The following ABCA13 variants were observed in gnomAD, a reference collection of about 807,000 sequenced individuals.
The protein encoded by ABCA13 is ATP-binding cassette sub-family A member 13.
Under a neutral mutation model 478.7 loss-of-function variants are expected in ABCA13, and 476 were observed. That is an observed-to-expected ratio of 0.99 (90% CI 0.92 to 1.07). ABCA13 has a LOEUF of 1.07. Among genes scored for constraint, ABCA13 ranks in the 50% least tolerant of loss-of-function variants. The pLI, the probability that ABCA13 is intolerant of heterozygous loss-of-function variation, is 0.00. For synonymous variants in ABCA13, 2,252 were observed against 2,158.9 expected, an observed-to-expected ratio of 1.04 and a Z score of -1.20; for missense variants, 6,060 against 5,910.6, an observed-to-expected ratio of 1.03 and a Z score of -0.83.
At chr7:48,581,625 T>G (rs186912116) in intron 56 of ABCA13, among the ~76,000 whole-genome samples, 3 of 152,376 alleles carry the variant, frequency 2.0e-5, no homozygotes, top group African/African-American at 7.2e-5. Context: ...AAGCTCTCGT[T>G]AATGTAGGTC....
chr7:48,497,890 T>C (rs1830416049), intron 48 of ABCA13, among the ~76,000 whole-genome samples: 1 of 152,202 alleles, frequency 6.6e-6, no homozygotes. Flanking sequence ...TTGGCATCCC[T>C]CTGTGCCCTG....
intron 59 of ABCA13, among the ~76,000 whole-genome samples, chr7:48,616,682 G>A (rs1792606708): frequency 6.6e-6 from 1 of 152,020 alleles, no homozygotes; most frequent in African/African-American, 2.4e-5. Flanking sequence ...AACAAGAAAT[G>A]GCTTGTGGGT....
At position 48,385,157 on chromosome 7, in the gene ABCA13, T is replaced by C. The variant is rs142488232; in HGVS notation, c.11336-2665T>C. Among the ~76,000 whole-genome samples the C allele has an allele frequency of 2.5e-3, 386 of 152,338 alleles. 1 individual carries two copies. Among genetic ancestry groups the C allele is most frequent in the African/African-American group, 8.9e-3 (368 of 41,576 alleles). ...TATGTATTTATTTTTTTGTAACTTT[T>C]AAGTGCAGGGGTACATGTGCAGGTT... On this transcript the variant is annotated intron_variant, in intron 35 of 61. Transcript: ENST00000435803.
At chr7:48,591,261 A>G (rs1213169085) in intron 57 of ABCA13, among the ~76,000 whole-genome samples, 1 of 151,944 alleles carries the variant, frequency 6.6e-6, no homozygotes, top group Non-Finnish European at 1.5e-5. Flanking sequence ...ATTTCAGTGT[A>G]TTTGTCAAAG....
rs1478219801 is a variant in ABCA13 at position 48,582,093 on chromosome 7, GAC to G, written c.14505+1723_14505+1724del. Among the ~76,000 whole-genome samples the G allele has an allele frequency of 2.0e-5, 3 of 152,226 alleles. No homozygotes were observed. The East Asian group carries it at 5.8e-4, about 29-fold the overall frequency. ...TCCCATTTTACAAACTGAGAAATTA[GAC>G]ACAGTTTAATTGAGACACAGAGACA... On this transcript the variant is annotated intron_variant, in intron 56 of 61. Transcript: ENST00000435803.
intron 48 of ABCA13, among the ~76,000 whole-genome samples, chr7:48,503,147 C>T (rs1299768964): frequency 1.3e-5 from 2 of 152,082 alleles, no homozygotes; most frequent in Non-Finnish European, 2.9e-5. Flanking sequence ...AATGCAGTGG[C>T]GCAATCATGG....
chr7:48,443,896 C>T (rs1254793323), intron 42 of ABCA13, among the ~76,000 whole-genome samples: 1 of 152,182 alleles, frequency 6.6e-6, no homozygotes, highest in Non-Finnish European at 1.5e-5. Context: ...GAAACACCCT[C>T]TTTCCTTCCT....
intron 39 of ABCA13, among the ~76,000 whole-genome samples, chr7:48,409,130 T>G (rs1818654815): frequency 2.0e-5 from 3 of 152,230 alleles, no homozygotes; most frequent in Admixed American, 2.0e-4. Context: ...ATGTTTAGCC[T>G]TCTCTCTTTG....
At chr7:48,637,667 G>A (rs1794782829) in intron 59 of ABCA13, among the ~76,000 whole-genome samples, 1 of 152,016 alleles carries the variant, frequency 6.6e-6, no homozygotes, top group African/African-American at 2.4e-5. Context: ...TTGTTTAGCT[G>A]GTGACAATGA....
chr7:48,471,414 A>C (rs544700029), intron 44 of ABCA13, 116 bp from the exon 45 acceptor site: 1 of 876,202 alleles, frequency 1.1e-6, no homozygotes, highest in African/African-American at 1.7e-5. Context: ...CCTTCTCGGC[A>C]GTGGGAGATG....
At chr7:48,545,118 A>G (rs768935426) in intron 55 of ABCA13, among the ~76,000 whole-genome samples, 6 of 151,722 alleles carry the variant, frequency 4.0e-5, no homozygotes, top group Admixed American at 2.0e-4. Context: ...GCATATGTAA[A>G]TTTCTGATTT....
rs571023729 is a variant in ABCA13, at chr7:48,336,175, G to A, written c.10113+640G>A. Among the ~76,000 whole-genome samples the A allele has an allele frequency of 3.9e-5, 6 of 152,286 alleles. No individual in the cohort carries two copies. In the South Asian group the frequency reaches 1.2e-3, roughly 32 times the overall value. On this transcript the variant is annotated intron_variant, in intron 28 of 61. Coordinates refer to ENST00000435803, the MANE Select transcript of ABCA13 (RefSeq NM_152701.5). ...CCTGCCACCAGTTGTGTGATCTTGG[G>A]CTAGTCACTGAAGTTCTCTGTACCT...
Position 48,244,704 on chromosome 7 carries a change from G to A in ABCA13, c.1390+1G>A, listed in dbSNP as rs769269524. On this transcript the variant is annotated splice_donor_variant, in intron 11 of 61. Coordinates refer to ENST00000435803, the MANE Select transcript of ABCA13 (RefSeq NM_152701.5). LOFTEE classifies it high-confidence loss of function. ...GCTCAGAATTTACATTTTGTCCAAG[G>A]TAAGCTAGCTTTGGTGTTATTTGTC... 25 of 1,588,078 alleles carry A rather than the reference G, an allele frequency of 1.6e-5. No homozygotes were observed. Among genetic ancestry groups the A allele is most frequent in the Non-Finnish European group, 2.1e-5 (25 of 1,165,018 alleles).
At chr7:48,244,885 G>C (rs1027156421) in intron 11 of ABCA13, among the ~76,000 whole-genome samples, 182 bp downstream of exon 11, 2 of 152,160 alleles carry the variant, frequency 1.3e-5, no homozygotes, top group Non-Finnish European at 2.9e-5. Flanking sequence ...GCACACCAAG[G>C]CTAAATAAAC....
rs376098156 is a variant in ABCA13, at chr7:48,645,623, C to T, written c.*111C>T. Reference sequence around the variant, plus strand: ...AGGAGCTGGAACACACTCTCCAGGCCGTCAAATTATTCTCTTGTTCATTTT... The same window carrying T: ...AGGAGCTGGAACACACTCTCCAGGCTGTCAAATTATTCTCTTGTTCATTTT... On this transcript the variant is annotated 3_prime_UTR_variant, in exon 62 of 62. Coordinates refer to ENST00000435803, the MANE Select transcript of ABCA13 (RefSeq NM_152701.5). 9.8e-6 allele frequency: 8 copies of T among 814,388 alleles called. No homozygotes were observed. The highest frequency in any genetic ancestry group is 5.4e-5 in the African/African-American group (3 of 55,884). 50.4% of individuals were successfully genotyped at this position (814,388 alleles called of 1,614,324 possible).
chr7:48,524,493 A>T, intron 54 of ABCA13, 53 bp downstream of exon 54: 1 of 1,475,906 alleles, frequency 6.8e-7, no homozygotes, highest in East Asian at 2.3e-5. Context: ...GTACAACTCT[A>T]GTAGCTGATC....
chr7:48,255,272 T>C (rs1793208783), intron 15 of ABCA13, among the ~76,000 whole-genome samples: 2 of 152,168 alleles, frequency 1.3e-5, no homozygotes, highest in Non-Finnish European at 1.5e-5. Flanking sequence ...GTCAGACTAA[T>C]TAGTTTCTAA....
intron 23 of ABCA13, among the ~76,000 whole-genome samples, chr7:48,309,332 C>T (rs1426866242): frequency 2.6e-5 from 4 of 152,012 alleles, no homozygotes; most frequent in Non-Finnish European, 5.9e-5. Context: ...CACAAATGTC[C>T]TTAACTGAAA....
intron 55 of ABCA13, among the ~76,000 whole-genome samples, chr7:48,560,495 C>T (rs1211809574): frequency 6.6e-6 from 1 of 152,144 alleles, no homozygotes; most frequent in Non-Finnish European, 1.5e-5. Flanking sequence ...TGTAATTGCT[C>T]ACCTAATTTT....
Sources: allele counts gnomAD v4.1 joint callset (sites outside exome capture counted in the v4.1 genomes callset), GRCh38; gene constraint gnomAD v4.1.1; transcripts MANE v1.5; gene names NCBI Gene and HGNC (gene_info 2026-07-23, HGNC 2026-07-21).